The following PTPRN2 variants were observed in gnomAD, a reference collection of about 807,000 sequenced individuals.
PTPRN2 encodes the protein protein tyrosine phosphatase receptor type N2, also known as receptor-type tyrosine-protein phosphatase N2.
Under a neutral mutation model 118.8 loss-of-function variants are expected in PTPRN2, and 74 were observed. That is an observed-to-expected ratio of 0.62 (90% CI 0.52 to 0.76). The LOEUF is 0.76. Among genes scored for constraint, PTPRN2 ranks in the 30% least tolerant of loss-of-function variants. The probability of loss-of-function intolerance (pLI) is 0.00; values close to 1 mark genes in which losing one functional copy is unlikely to be tolerated. For synonymous variants in PTPRN2, 641 were observed against 608.0 expected (o/e 1.05, Z -0.80); for missense variants, 1,481 against 1,394.4 (o/e 1.06, Z -0.99).
At position 158,337,429 on chromosome 7, in the gene PTPRN2, T is replaced by A. The variant is rs1157737817; in HGVS notation, c.164-20497A>T. On this transcript the variant is annotated intron_variant, in intron 2 of 22. Transcript: ENST00000389418. Reference sequence around the variant, plus strand: ...GTCCCTCACACCCACACTCTCACCATAAGAGGTGACACCCACAGACGTCAC... The same window carrying A: ...GTCCCTCACACCCACACTCTCACCAAAAGAGGTGACACCCACAGACGTCAC... 9.4e-3 allele frequency among the ~76,000 whole-genome samples: 651 copies of A among 69,294 alleles called. 1 individual carries two copies. Among genetic ancestry groups the A allele is most frequent in the African/African-American group, 0.032 (608 of 18,714 alleles). 45.5% of individuals were successfully genotyped at this position (69,294 alleles called of 152,430 possible). A position where few individuals can be genotyped will look rare whatever the true frequency, so the allele number is the denominator to read the frequency against.
In PTPRN2 at chr7:158,466,091, AACATGATGTTGGATACAT is replaced by A. The variant is rs1409740316; in HGVS notation, c.163+23626_163+23643del. Among the ~76,000 whole-genome samples the A allele has an allele frequency of 1.2e-4, 19 of 152,320 alleles. No individual in the cohort carries two copies. The East Asian group carries it at 3.5e-3, about 28-fold the overall frequency. Reference sequence around the variant, plus strand: ...TTTTGGATGTACATTTGAGGCGTGCAACATGATGTTGGATACATACATGCATACTGAGGTGGCCACTGT... The same window carrying A: ...TTTTGGATGTACATTTGAGGCGTGCAACATGCATACTGAGGTGGCCACTGT... On this transcript the variant is annotated intron_variant, in intron 2 of 22. Coordinates refer to ENST00000389418, the MANE Select transcript of PTPRN2 (RefSeq NM_002847.5).
At chr7:158,340,984 C>G (rs1438759068) in intron 2 of PTPRN2, among the ~76,000 whole-genome samples, 1 of 80,514 alleles carries the variant, frequency 1.2e-5, no homozygotes, top group Non-Finnish European at 2.8e-5. Context: ...CTCACACCCA[C>G]ACTCTCACCA....
chr7:158,325,713 G>A (rs1375842966), intron 2 of PTPRN2, among the ~76,000 whole-genome samples: 3 of 152,090 alleles, frequency 2.0e-5, no homozygotes, highest in Admixed American at 2.0e-4. Flanking sequence ...GCAGGCGAGA[G>A]ACACCCGGCA....
At chr7:158,380,391 G>T (rs996278881) in intron 2 of PTPRN2, among the ~76,000 whole-genome samples, 13 of 152,144 alleles carry the variant, frequency 8.5e-5, no homozygotes, top group Admixed American at 3.3e-4. Context: ...CCAAAACAAA[G>T]AGGCTACAGG....
chr7:158,283,514 G>A (rs1050405011), intron 3 of PTPRN2, among the ~76,000 whole-genome samples: 7 of 152,024 alleles, frequency 4.6e-5, no homozygotes, highest in Non-Finnish European at 8.8e-5. Context: ...GCCACGTCGT[G>A]GAGTCTGCAG....
At position 158,158,735 on chromosome 7, in the gene PTPRN2, A is replaced by G. The variant is rs5022128; in HGVS notation, c.910+8196T>C. 8.9e-4 allele frequency among the ~76,000 whole-genome samples: 13 copies of G among 14,672 alleles called. 1 individual carries two copies. The highest frequency in any genetic ancestry group is 1.2e-3 in the African/African-American group (3 of 2,548). 9.6% of individuals were successfully genotyped at this position (14,672 alleles called of 152,430 possible). On this transcript the variant is annotated intron_variant, in intron 6 of 22. Coordinates refer to ENST00000389418, the MANE Select transcript of PTPRN2 (RefSeq NM_002847.5). Reference sequence around the variant, plus strand: ...CCGGGACTTCGCAAGGGCTTTCTGAATGAATGAGTGAACTCGGAAGAATCA... The same window carrying G: ...CCGGGACTTCGCAAGGGCTTTCTGAGTGAATGAGTGAACTCGGAAGAATCA...
At chr7:158,566,026 T>TAAAATTAC (rs772258990) in intron 1 of PTPRN2, among the ~76,000 whole-genome samples, 4 of 152,186 alleles carry the variant, frequency 2.6e-5, no homozygotes, top group Non-Finnish European at 2.9e-5. Flanking sequence ...TGAGAATCAA[T>TAAAATTAC]AAAATTACTC....
chr7:158,553,447 TAC>T (rs150069789), intron 1 of PTPRN2, among the ~76,000 whole-genome samples: 1 of 148,706 alleles, frequency 6.7e-6, no homozygotes, highest in Non-Finnish European at 1.5e-5. Context: ...CCTCCTTGTC[TAC>T]ACACACACAC....
intron 3 of PTPRN2, among the ~76,000 whole-genome samples, chr7:158,294,313 A>G (rs1002712973): frequency 1.4e-4 from 22 of 152,248 alleles, no homozygotes; most frequent in African/African-American, 5.3e-4. Context: ...CTGAGACACA[A>G]AAGCTTGATT....
chr7:158,198,069 C>CA (rs1826348665), intron 4 of PTPRN2, among the ~76,000 whole-genome samples: 1 of 152,116 alleles, frequency 6.6e-6, no homozygotes. Flanking sequence ...TCTATGTTGT[C>CA]AGAGTGTAAT....
intron 4 of PTPRN2, among the ~76,000 whole-genome samples, 185 bp from the exon 5 acceptor site, chr7:158,192,680 C>G (rs146754060): frequency 6.6e-6 from 1 of 152,204 alleles, no homozygotes; most frequent in Admixed American, 6.5e-5. Flanking sequence ...GTGTCCTGCA[C>G]GAGGATGGCT....
intron 6 of PTPRN2, among the ~76,000 whole-genome samples, chr7:158,163,969 A>T (rs576401457): frequency 1.3e-5 from 2 of 152,316 alleles, no homozygotes; most frequent in South Asian, 4.1e-4. Context: ...GCCGTTTTAC[A>T]TGAGGCTTTT....
chr7:157,601,315 GCCTT>G (rs1330286090), intron 16 of PTPRN2, among the ~76,000 whole-genome samples: 7 of 152,162 alleles, frequency 4.6e-5, no homozygotes, highest in African/African-American at 1.4e-4. Context: ...CACAGCCAGG[GCCTT>G]CCTTTGCTGT....
intron 17 of PTPRN2, among the ~76,000 whole-genome samples, chr7:157,579,834 C>T (rs1800256273): frequency 6.6e-6 from 1 of 152,208 alleles, no homozygotes; most frequent in African/African-American, 2.4e-5. Context: ...AACAAATAGG[C>T]AGCCCAATTG....
chr7:158,145,047 G>C (rs932433221), intron 6 of PTPRN2, among the ~76,000 whole-genome samples: 1 of 147,112 alleles, frequency 6.8e-6, no homozygotes, highest in East Asian at 2.0e-4. Flanking sequence ...ACCACGGCTC[G>C]GCAAGGTTTC....
intron 11 of PTPRN2, among the ~76,000 whole-genome samples, chr7:157,943,119 A>C (rs1014846950): frequency 1.3e-5 from 2 of 152,102 alleles, no homozygotes; most frequent in African/African-American, 4.8e-5. Context: ...ACCACTATTC[A>C]CTGCTCCAAA....
intron 11 of PTPRN2, among the ~76,000 whole-genome samples, chr7:158,053,864 G>A (rs182501975): frequency 0.02 from 2,904 of 145,736 alleles, 86 homozygotes; most frequent in African/African-American, 0.075. Flanking sequence ...CTCCAGAGAC[G>A]CAGAGACCCC....
At chr7:158,340,545 CAG>C (rs1806514431) in intron 2 of PTPRN2, among the ~76,000 whole-genome samples, 1 of 127,764 alleles carries the variant, frequency 7.8e-6, no homozygotes, top group Admixed American at 7.9e-5. Context: ...CTGTCGCCCG[CAG>C]AGGTCACTCA....
At chr7:158,518,008 T>C (rs1436083946) in intron 1 of PTPRN2, among the ~76,000 whole-genome samples, 1 of 152,140 alleles carries the variant, frequency 6.6e-6, no homozygotes, top group East Asian at 1.9e-4. Context: ...TGCAACATTC[T>C]CCCAGCTCCC....
Sources: gnomAD v4.1 joint callset for allele counts (sites outside exome capture counted in the v4.1 genomes callset) on GRCh38, gnomAD v4.1.1 for gene constraint, MANE v1.5 for transcripts, NCBI Gene and HGNC (gene_info 2026-07-23, HGNC 2026-07-21) for gene names.